Variants in TNFAIP8 observed in about 807,000 individuals in gnomAD.
TNFAIP8 encodes tumor necrosis factor alpha-induced protein 8.
In TNFAIP8, 7 loss-of-function variants were observed where a neutral mutation model predicts 13.3. The ratio of observed to expected loss-of-function variants is 0.52; its 90% CI spans 0.30 to 0.99. TNFAIP8 has a LOEUF of 0.99. Among genes scored for constraint, TNFAIP8 ranks in the 50% least tolerant of loss-of-function variants. TNFAIP8 has a pLI of 0.07. For missense variants in TNFAIP8, 258 were observed against 236.9 expected, an observed-to-expected ratio of 1.09 and a Z score of -0.58; for synonymous variants, 94 against 87.6, an observed-to-expected ratio of 1.07 and a Z score of -0.41.
chr5:119,361,154 A>G (rs549503226), intron 1 of TNFAIP8, among the ~76,000 whole-genome samples: 1 of 152,324 alleles, frequency 6.6e-6, no homozygotes, highest in East Asian at 1.9e-4. Flanking sequence ...CTTTCTCTGG[A>G]GCACATTGCA....
rs1581588682 is a variant in TNFAIP8, at chr5:119,304,700, G to A, written c.1+35793G>A. 2.0e-5 allele frequency among the ~76,000 whole-genome samples: 3 copies of A among 152,272 alleles called. No individual in the cohort carries two copies. The East Asian group carries it at 5.8e-4, about 29-fold the overall frequency. ...AACTGTTCCTGTTTTCTTTCCAGAG[G>A]ATAATTTCCTGTCAGTGAAACTGAT... On this transcript the variant is annotated intron_variant, in intron 1 of 1. Transcript: ENST00000274456.
intron 1 of TNFAIP8, among the ~76,000 whole-genome samples, chr5:119,293,152 A>T (rs1005482505): frequency 6.6e-6 from 1 of 152,172 alleles, no homozygotes; most frequent in African/African-American, 2.4e-5. Flanking sequence ...TGGAATGGCT[A>T]AATCAAGCCA....
intron 1 of TNFAIP8, chr5:119,333,678 T>C: frequency 7.1e-7 from 1 of 1,417,642 alleles, no homozygotes; most frequent in Non-Finnish European, 9.6e-7. Flanking sequence ...AATGTCTTTG[T>C]TGAAATCTGG....
At chr5:119,270,678 C>A (rs1440120405) in intron 1 of TNFAIP8, among the ~76,000 whole-genome samples, 3 of 152,194 alleles carry the variant, frequency 2.0e-5, no homozygotes, top group Non-Finnish European at 4.4e-5. Flanking sequence ...TACTTGTAAT[C>A]TGAGTAAATA....
chr5:119,301,775 A>G (rs35605034), intron 1 of TNFAIP8, among the ~76,000 whole-genome samples: 8,460 of 152,298 alleles, frequency 0.056, 506 homozygotes, highest in African/African-American at 0.15. Flanking sequence ...TAAGGCACAT[A>G]TTTGTAGTGG....
At chr5:119,333,778 C>CTGTTT (rs1181706606) in intron 1 of TNFAIP8, 7 of 743,928 alleles carry the variant, frequency 9.4e-6, no homozygotes, top group African/African-American at 5.2e-5. Flanking sequence ...CAACAAATCA[C>CTGTTT]TGTTTTGTTT....
At chr5:119,333,450 G>GAATAGTATA in intron 1 of TNFAIP8, 1 of 1,403,134 alleles carries the variant, frequency 7.1e-7, no homozygotes, top group South Asian at 1.7e-5. Context: ...TTTTTCAAAA[G>GAATAGTATA]AATAGTATAA....
At chr5:119,278,783 A>C (rs1477196536) in intron 1 of TNFAIP8, among the ~76,000 whole-genome samples, 1 of 152,228 alleles carries the variant, frequency 6.6e-6, no homozygotes, top group Non-Finnish European at 1.5e-5. Flanking sequence ...TGGGAGGAGA[A>C]AACCAAATAA....
At chr5:119,284,352 AG>A (rs751388665) in intron 1 of TNFAIP8, among the ~76,000 whole-genome samples, 4 of 151,206 alleles carry the variant, frequency 2.6e-5, no homozygotes, top group Admixed American at 6.6e-5. Context: ...GTTCTTCAAC[AG>A]AAAAAAAAAA....
At chr5:119,301,091 C>T (rs1017638855) in intron 1 of TNFAIP8, among the ~76,000 whole-genome samples, 1 of 152,192 alleles carries the variant, frequency 6.6e-6, no homozygotes, top group East Asian at 1.9e-4. Context: ...TAACCAGTCT[C>T]CCAGCTTCCG....
chr5:119,288,592 C>T (rs1204234485), intron 1 of TNFAIP8, among the ~76,000 whole-genome samples: 1 of 152,212 alleles, frequency 6.6e-6, no homozygotes, highest in Non-Finnish European at 1.5e-5. Context: ...TTGGGAACAG[C>T]TGGAAGGCAG....
At chr5:119,312,950 C>T (rs1447747674) in intron 1 of TNFAIP8, among the ~76,000 whole-genome samples, 3 of 151,992 alleles carry the variant, frequency 2.0e-5, no homozygotes, top group Admixed American at 1.3e-4. Flanking sequence ...ATAATCTGTA[C>T]TTGGGAAAAT....
intron 1 of TNFAIP8, among the ~76,000 whole-genome samples, chr5:119,392,426 T>C (rs1475380598): frequency 6.6e-6 from 1 of 152,036 alleles, no homozygotes; most frequent in African/African-American, 2.4e-5. Context: ...AGTCTCGCTG[T>C]GTCACCCAGG....
chr5:119,333,447 A>G (rs1465450638), intron 1 of TNFAIP8: 1 of 1,390,996 alleles, frequency 7.2e-7, no homozygotes, highest in Non-Finnish European at 9.3e-7. Context: ...AGATTTTTCA[A>G]AAGAATAGTA....
chr5:119,372,073 C>T (rs1277941798), intron 1 of TNFAIP8, among the ~76,000 whole-genome samples: 1 of 151,366 alleles, frequency 6.6e-6, no homozygotes, highest in African/African-American at 2.4e-5. Flanking sequence ...GGAGGCGGAG[C>T]TTGCAGTGAG....
At chr5:119,346,216 T>C (rs143312930) in intron 1 of TNFAIP8, among the ~76,000 whole-genome samples, 502 of 152,322 alleles carry the variant, frequency 3.3e-3, no homozygotes, top group African/African-American at 0.012. Flanking sequence ...GGATGCATTC[T>C]GCTGCAAAAT....
chr5:119,331,234 C>CTTT (rs59808410), intron 1 of TNFAIP8, among the ~76,000 whole-genome samples: 1 of 141,302 alleles, frequency 7.1e-6, no homozygotes, highest in African/African-American at 2.6e-5. Context: ...GAGATATTAG[C>CTTT]TTTTTTTTTT....
chr5:119,391,438 G>T, intron 1 of TNFAIP8: 1 of 702,162 alleles, frequency 1.4e-6, no homozygotes, highest in Non-Finnish European at 2.6e-6. Flanking sequence ...GACACCCAAA[G>T]AACTGCAGTT....
chr5:119,355,834 C>T (rs898123159), upstream of TNFAIP8: 66 of 1,031,816 alleles, frequency 6.4e-5, no homozygotes, highest in Non-Finnish European at 7.1e-5. Flanking sequence ...CGCCTCCGCC[C>T]GGCTGCCGGC....
Sources: gnomAD v4.1 joint callset for allele counts (sites outside exome capture counted in the v4.1 genomes callset) on GRCh38, gnomAD v4.1.1 for gene constraint, MANE v1.5 for transcripts, NCBI Gene and HGNC (gene_info 2026-07-23, HGNC 2026-07-21) for gene names.